Variants in CEP83 observed in about 807,000 individuals in gnomAD.
CEP83 encodes centrosomal protein of 83 kDa.
A neutral mutation model predicts 101.9 loss-of-function variants in CEP83; 70 were observed. The ratio of observed to expected loss-of-function variants is 0.69; its 90% CI spans 0.57 to 0.84. The LOEUF (loss-of-function observed/expected upper bound fraction) is 0.84. CEP83 is among the 40% of genes least tolerant of loss of function. CEP83 has a pLI of 0.00. For missense variants in CEP83, 715 were observed against 787.2 expected (o/e 0.91, Z 1.10); for synonymous variants, 264 against 267.9 (o/e 0.99, Z 0.14).
chr12:94,399,840 T>G (rs1800518492), intron 6 of CEP83, among the ~76,000 whole-genome samples: 1 of 152,198 alleles, frequency 6.6e-6, no homozygotes, highest in Admixed American at 6.5e-5. Flanking sequence ...AGAGTTTTTT[T>G]TAATGTGAAA....
In CEP83 at chr12:94,423,647, T is replaced by G. The variant is rs1373012861; in HGVS notation, c.-101-11056A>C. The G allele has an allele frequency of 1.9e-6, 3 of 1,555,068 alleles. No homozygotes were observed. In the East Asian group the frequency reaches 7.3e-5, roughly 38 times the overall value. The stretch of plus-strand genomic sequence containing the variant: ...GTTAGTCCTTAGCAGGGCCGACGGA[T>G]GGTCTCCATTCCTGGTTAACCCTCT... On this transcript the variant is annotated intron_variant, in intron 2 of 16. Coordinates refer to ENST00000397809, the MANE Select transcript of CEP83 (RefSeq NM_016122.3).
chr12:94,446,483 G>A (rs1231400921), intron 1 of CEP83, among the ~76,000 whole-genome samples: 1 of 152,198 alleles, frequency 6.6e-6, no homozygotes, highest in African/African-American at 2.4e-5. Context: ...GGCAAGGCAG[G>A]CAGATCATGA....
chr12:94,406,326 AAAAAC>A (rs764456057), intron 4 of CEP83, among the ~76,000 whole-genome samples: 51 of 151,898 alleles, frequency 3.4e-4, no homozygotes, highest in South Asian at 1.5e-3. Context: ...ACTCCGTCTC[AAAAAC>A]AAAACAAAAC....
At chr12:94,282,669 C>T in the CEP83 span, 191,934 of 293,194 alleles carry the variant, frequency 0.65, 63,372 homozygotes, top group African/African-American at 0.74. Context: ...GAAAAGAACC[C>T]AGGAAAAAAG....
At chr12:94,395,378 A>AT (rs934674160) in intron 6 of CEP83, among the ~76,000 whole-genome samples, 46 of 151,976 alleles carry the variant, frequency 3.0e-4, no homozygotes, top group South Asian at 2.1e-3. Flanking sequence ...TTAAAAAAAA[A>AT]AATAATCACT....
intron 2 of CEP83, 97 bp from the exon 3 acceptor site, chr12:94,412,688 T>C (rs1278390935): frequency 1.1e-5 from 4 of 380,362 alleles, no homozygotes; most frequent in Non-Finnish European, 8.7e-6. Flanking sequence ...TATTCTTTTT[T>C]TTTTCTTTTT....
intron 6 of CEP83, among the ~76,000 whole-genome samples, chr12:94,380,071 C>CAAAAAAAAAAAAA (rs11362391): frequency 4.9e-4 from 41 of 83,110 alleles, no homozygotes; most frequent in Non-Finnish European, 6.9e-4. Context: ...CCCGGCCCTG[C>CAAAAAAAAAAAAA]AAAAAAAAAA....
chr12:94,289,938 G>A, the CEP83 span, among the ~76,000 whole-genome samples: 1 of 152,200 alleles, frequency 6.6e-6, no homozygotes, highest in African/African-American at 2.4e-5. Flanking sequence ...CTTGGTACAA[G>A]CTGTGTCTAT....
chr12:94,412,918 T>C (rs1286171018), intron 2 of CEP83, among the ~76,000 whole-genome samples: 1 of 151,640 alleles, frequency 6.6e-6, no homozygotes, highest in Non-Finnish European at 1.5e-5. Context: ...AGTGGCGCTA[T>C]CTCGACTCAC....
chr12:94,367,856 T>C lies in CEP83; in HGVS notation c.1281A>G (p.Glu427=), dbSNP rs375801758. ...VWRQSEKDQY[E]EKLRASQMAE... ...CCATCTGTGAAGCCCGCAATTTCTCTTCATACTGATCCTTTTCAGATTGCC... is the reference window on the plus strand; with the variant it reads ...CCATCTGTGAAGCCCGCAATTTCTCCTCATACTGATCCTTTTCAGATTGCC... Residue 427 remains glutamate (E), a synonymous_variant, in exon 11 of 17, where the codon GAA becomes GAG. Coordinates refer to ENST00000397809, the MANE Select transcript of CEP83 (RefSeq NM_016122.3). 3.1e-6 allele frequency: 5 copies of C among 1,613,698 alleles called. No homozygotes were observed. In the African/African-American group the frequency reaches 6.7e-5, roughly 22 times the overall value.
intron 11 of CEP83, among the ~76,000 whole-genome samples, chr12:94,343,804 T>C (rs1056447076): frequency 6.6e-6 from 1 of 152,196 alleles, no homozygotes; most frequent in Non-Finnish European, 1.5e-5. Context: ...AAATTAACTT[T>C]TTAAAAAGGT....
At chr12:94,291,408 G>C in the CEP83 span, among the ~76,000 whole-genome samples, 1 of 152,098 alleles carries the variant, frequency 6.6e-6, no homozygotes, top group Non-Finnish European at 1.5e-5. Flanking sequence ...TTGTTTGTTT[G>C]TTTTGAGGAG....
chr12:94,365,458 T>C (rs1009952442), intron 11 of CEP83, among the ~76,000 whole-genome samples: 2 of 152,154 alleles, frequency 1.3e-5, no homozygotes, highest in Non-Finnish European at 2.9e-5. Flanking sequence ...TACAACATTA[T>C]TGATTAGTTG....
At chr12:94,424,654 G>A in intron 2 of CEP83, 5 of 1,613,650 alleles carry the variant, frequency 3.1e-6, no homozygotes, top group Middle Eastern at 1.6e-4. Context: ...CTGAAGGGCT[G>A]TCAAAATCTA....
At chr12:94,276,201 G>A in the CEP83 span, among the ~76,000 whole-genome samples, 4 of 152,192 alleles carry the variant, frequency 2.6e-5, no homozygotes, top group Non-Finnish European at 5.9e-5. Flanking sequence ...AGCTGAGATT[G>A]CTGAAGCTCC....
At chr12:94,396,417 T>C (rs1428706299) in intron 6 of CEP83, among the ~76,000 whole-genome samples, 2 of 150,332 alleles carry the variant, frequency 1.3e-5, no homozygotes, top group Non-Finnish European at 2.9e-5. Flanking sequence ...GCCTCCAGAG[T>C]AGCTGGGACT....
In CEP83 at chr12:94,333,530, C is replaced by G. The variant is rs1396454584; in HGVS notation, c.1529G>C (p.Cys510Ser). The G allele has an allele frequency of 6.2e-7, 1 of 1,613,590 alleles. No homozygotes were observed. Among genetic ancestry groups the G allele is most frequent in the South Asian group, 1.1e-5 (1 of 90,946 alleles). Residue 510 changes from cysteine to serine, a missense_variant, in exon 13 of 17, where the codon TGC becomes TCC. Transcript: ENST00000397809. ...KEMVERLKQE[C>S]RNFRSQAEKA... ...TTCAGCTTGGCTTCTAAAATTTCGG[C>G]ATTCTTGTTTTAATCTCTCCACCAT...
At chr12:94,284,798 T>TG in the CEP83 span, among the ~76,000 whole-genome samples, 1 of 152,080 alleles carries the variant, frequency 6.6e-6, no homozygotes, top group Non-Finnish European at 1.5e-5. Context: ...ATCACACAGA[T>TG]GGGGGCAGCC....
the CEP83 span, among the ~76,000 whole-genome samples, chr12:94,293,787 T>TA: frequency 5.3e-5 from 8 of 152,238 alleles, no homozygotes; most frequent in East Asian, 1.2e-3. Context: ...CCCAGATAAT[T>TA]AAAAAAATTT....
Sources: gnomAD v4.1 joint callset for allele counts (sites outside exome capture counted in the v4.1 genomes callset) on GRCh38, gnomAD v4.1.1 for gene constraint, MANE v1.5 for transcripts, NCBI Gene and HGNC (gene_info 2026-07-23, HGNC 2026-07-21) for gene names.